Variants in NHLRC2 observed in about 807,000 individuals in gnomAD.
NHLRC2 encodes NHL repeat containing 2.
A neutral mutation model predicts 68.1 loss-of-function variants in NHLRC2; 33 were observed. That is an observed-to-expected ratio of 0.48 (90% CI 0.37 to 0.65). The LOEUF is 0.65. Among genes scored for constraint, NHLRC2 ranks in the 30% least tolerant of loss-of-function variants. The pLI is 0.00. For missense variants in NHLRC2, 761 were observed against 853.8 expected (o/e 0.89, Z 1.35); for synonymous variants, 311 against 309.6 (o/e 1.00, Z -0.05).
At chr10:113,859,094 A>G (rs1282296460) in intron 2 of NHLRC2, among the ~76,000 whole-genome samples, 2 of 152,174 alleles carry the variant, frequency 1.3e-5, no homozygotes, top group East Asian at 3.8e-4. Context: ...GCTTTCATTA[A>G]TATTGAATGA....
intron 5 of NHLRC2, among the ~76,000 whole-genome samples, chr10:113,895,946 A>G (rs1441548604): frequency 6.6e-6 from 1 of 152,194 alleles, no homozygotes; most frequent in Non-Finnish European, 1.5e-5. Context: ...TTTTAAAAAT[A>G]TTTGAACCTC....
intron 2 of NHLRC2, among the ~76,000 whole-genome samples, chr10:113,873,016 T>C (rs941144660): frequency 9.2e-5 from 14 of 152,178 alleles, no homozygotes; most frequent in African/African-American, 3.4e-4. Context: ...AGTAAAATTA[T>C]TATACTTTAA....
At chr10:113,884,147 C>A in intron 4 of NHLRC2, 104 bp from the exon 5 acceptor site, 1 of 1,002,526 alleles carries the variant, frequency 1.0e-6, no homozygotes, top group Non-Finnish European at 1.5e-6. Context: ...TTGTACTGCA[C>A]ATACACTCTA....
At chr10:113,855,922 G>A (rs1006526128) in intron 1 of NHLRC2, among the ~76,000 whole-genome samples, 2 of 152,160 alleles carry the variant, frequency 1.3e-5, no homozygotes, top group Non-Finnish European at 2.9e-5. Flanking sequence ...TTGAGGAAAT[G>A]GAAGCACAGA....
chr10:113,914,652 A>G lies in NHLRC2; in HGVS notation c.*6116A>G, dbSNP rs906645819. ...CTCCCTCTCCTGAAATCCGTAAGGA[A>G]ATGTGATAATAAGAAAGTGATAATA... On this transcript the variant is annotated 3_prime_UTR_variant, in exon 11 of 11. Coordinates refer to ENST00000369301, the MANE Select transcript of NHLRC2 (RefSeq NM_198514.4). The G allele has an allele frequency of 2.7e-5, 6 of 220,940 alleles. No individual in the cohort carries two copies. The East Asian group carries it at 7.3e-4, about 27-fold the overall frequency. The allele number at this position is 220,940 out of a possible 1,614,324, so 13.7% of individuals were successfully genotyped here.
intron 5 of NHLRC2, among the ~76,000 whole-genome samples, chr10:113,890,171 C>G (rs1846118585): frequency 6.6e-6 from 1 of 152,156 alleles, no homozygotes; most frequent in Non-Finnish European, 1.5e-5. Context: ...ATTGCTTCTG[C>G]CTGAAGAACT....
chr10:113,866,270 GC>G (rs1224806441), intron 2 of NHLRC2, among the ~76,000 whole-genome samples: 5 of 152,172 alleles, frequency 3.3e-5, no homozygotes, highest in Middle Eastern at 3.2e-3. Flanking sequence ...TTTTAAAGAA[GC>G]AACTATGCCC....
At chr10:113,864,474 C>CG (rs1845845003) in intron 2 of NHLRC2, among the ~76,000 whole-genome samples, 1 of 152,006 alleles carries the variant, frequency 6.6e-6, no homozygotes, top group Non-Finnish European at 1.5e-5. Flanking sequence ...CCAAGGCAGG[C>CG]GGATCATGAG....
chr10:113,882,191 A>T (rs1846041046), intron 4 of NHLRC2, among the ~76,000 whole-genome samples: 1 of 151,814 alleles, frequency 6.6e-6, no homozygotes, highest in Non-Finnish European at 1.5e-5. Flanking sequence ...TTACATGGAC[A>T]TACATTTTTA....
chr10:113,898,130 G>T lies in NHLRC2; in HGVS notation c.1060G>T (p.Asp354Tyr). ...TAAAGGTTCAGAGGTCCAAAGAGGTGACATTTTATGGATAGCCATGGCAGG... is the reference window on the plus strand; with the variant it reads ...TAAAGGTTCAGAGGTCCAAAGAGGTTACATTTTATGGATAGCCATGGCAGG... ...GTSGSEVQRG[D>Y]ILWIAMAGTH... is the part of the protein sequence containing the mutation. Residue 354 changes from aspartate to tyrosine, a missense_variant, in exon 6 of 11, where the codon GAC (aspartate) becomes TAC (tyrosine). Asp to Tyr is a radical substitution (Grantham distance 160, BLOSUM62 -3). Coordinates refer to ENST00000369301, the MANE Select transcript of NHLRC2 (RefSeq NM_198514.4). 6.2e-7 allele frequency: 1 copy of T among 1,611,372 alleles called. No homozygotes were observed. Among genetic ancestry groups the T allele is most frequent in the South Asian group, 1.1e-5 (1 of 90,958 alleles).
chr10:113,880,298 A>G (rs961390928), intron 4 of NHLRC2, among the ~76,000 whole-genome samples: 2 of 151,964 alleles, frequency 1.3e-5, no homozygotes, highest in African/African-American at 4.8e-5. Context: ...CTTTTTGTAG[A>G]GAATTTTTTA....
At position 113,911,921 on chromosome 10, in the gene NHLRC2, CGGTG is replaced by C. The variant is rs1344065048; in HGVS notation, c.*3388_*3391del. 6.6e-6 allele frequency: 1 copy of C among 151,116 alleles called. No homozygotes were observed. Among genetic ancestry groups the C allele is most frequent in the Non-Finnish European group, 1.5e-5 (1 of 67,800 alleles). 9.4% of individuals were successfully genotyped at this position (151,116 alleles called of 1,614,324 possible). A position where few individuals can be genotyped will look rare whatever the true frequency, so the allele number is the denominator to read the frequency against. On this transcript the variant is annotated 3_prime_UTR_variant, in exon 11 of 11. Coordinates refer to ENST00000369301, the MANE Select transcript of NHLRC2 (RefSeq NM_198514.4). ...GAGCAATCTGTTATTTTTAAAATCA[CGGTG>C]GGGGGAAACCCATAAAGTTTAAAGA...
In NHLRC2 at chr10:113,912,146, T is replaced by G. The variant is rs1408232862; in HGVS notation, c.*3610T>G. Reference sequence around the variant, plus strand: ...GTAACGTAGTGTAGTGGTTAAGAGCTTGGATTTTGCAGTAACTTGGATTCT... The same window carrying G: ...GTAACGTAGTGTAGTGGTTAAGAGCGTGGATTTTGCAGTAACTTGGATTCT... On this transcript the variant is annotated 3_prime_UTR_variant, in exon 11 of 11. Transcript: ENST00000369301. 1 of 152,204 alleles carries G rather than the reference T, an allele frequency of 6.6e-6. No individual in the cohort carries two copies. Among genetic ancestry groups the G allele is most frequent in the Non-Finnish European group, 1.5e-5 (1 of 68,044 alleles). The allele number at this position is 152,204 out of a possible 1,614,324, so 9.4% of individuals were successfully genotyped here. A position where few individuals can be genotyped will look rare whatever the true frequency, so the allele number is the denominator to read the frequency against.
Position 113,854,933 on chromosome 10 carries a change from C to G in NHLRC2, c.61C>G (p.Leu21Val). Residue 21 changes from leucine to valine, a missense_variant, in exon 1 of 11, where the codon CTA (leucine) becomes GTA (valine). By Grantham distance (32) the Leu-to-Val change is conservative (BLOSUM62 1). Transcript: ENST00000369301. Reference protein sequence around the residue: ...LSGLLPAQTSLEYALLDAVTQ... With the variant: ...LSGLLPAQTSVEYALLDAVTQ... ...CGGCCTGCTCCCCGCGCAGACCTCG[C>G]TAGAGTACGCCCTGCTCGACGCCGT... 6.4e-7 allele frequency: 1 copy of G among 1,554,542 alleles called. No homozygotes were observed. The highest frequency in any genetic ancestry group is 8.7e-7 in the Non-Finnish European group (1 of 1,148,636).
chr10:113,904,802 TTTC>T lies in NHLRC2; in HGVS notation c.1705-12_1705-10del. 1 of 1,587,178 alleles carries T rather than the reference TTTC, an allele frequency of 6.3e-7. No individual in the cohort carries two copies. The highest frequency in any genetic ancestry group is 8.7e-7 in the Non-Finnish European group (1 of 1,155,774). On this transcript the variant is annotated splice_polypyrimidine_tract_variant and intron_variant, in intron 9 of 10. Coordinates refer to ENST00000369301, the MANE Select transcript of NHLRC2 (RefSeq NM_198514.4). The stretch of plus-strand genomic sequence containing the variant: ...AAGTTCTTGTGTTTTAATAACAGAT[TTTC>T]TTATTTCCTAGCTCCCCATCTTCAG...
intron 5 of NHLRC2, among the ~76,000 whole-genome samples, chr10:113,895,159 A>G (rs951112362): frequency 4.6e-5 from 7 of 152,166 alleles, no homozygotes; most frequent in African/African-American, 1.7e-4. Context: ...GACTTCTGGG[A>G]TTAGAGATGA....
rs775237212 is a variant in NHLRC2, at chr10:113,876,560, C to T, written c.371C>T (p.Pro124Leu). The change falls in exon 3 of 11, where the codon CCA (proline) becomes CTA (leucine). Residue 124 changes from proline (P) to leucine (L), a missense_variant. Transcript: ENST00000369301. ...ATTGGTGTTCACTCGGCTAAGTTTC[C>T]AAATGAAAAAGTCCTGGATAACATT... The part of the protein sequence containing the change: ...LIIGVHSAKF[P>L]NEKVLDNIKS... 6.2e-7 allele frequency: 1 copy of T among 1,607,336 alleles called. No individual in the cohort carries two copies. Among genetic ancestry groups the T allele is most frequent in the East Asian group, 2.2e-5 (1 of 44,756 alleles).
At chr10:113,875,074 G>A (rs1414619077) in intron 2 of NHLRC2, among the ~76,000 whole-genome samples, 1 of 151,274 alleles carries the variant, frequency 6.6e-6, no homozygotes, top group Non-Finnish European at 1.5e-5. Flanking sequence ...CTTGATAACT[G>A]ACCATATTTC....
In NHLRC2 at chr10:113,909,699, TC is replaced by T. The variant is rs952394967; in HGVS notation, c.*1164del. 1 of 152,176 alleles carries T rather than the reference TC, an allele frequency of 6.6e-6. No individual in the cohort carries two copies. Among genetic ancestry groups the T allele is most frequent in the African/African-American group, 2.4e-5 (1 of 41,468 alleles). 9.4% of individuals were successfully genotyped at this position (152,176 alleles called of 1,614,324 possible). On this transcript the variant is annotated 3_prime_UTR_variant, in exon 11 of 11. Transcript: ENST00000369301. ...AAAAAGATATTGGAAAGGTTTTTTT[TC>T]TATTGTCATAATTTATAACTACTTA...
Sources: allele counts gnomAD v4.1 joint callset (sites outside exome capture counted in the v4.1 genomes callset), GRCh38; gene constraint gnomAD v4.1.1; transcripts MANE v1.5; gene names NCBI Gene and HGNC (gene_info 2026-07-23, HGNC 2026-07-21).